The following DTNA variants were observed in gnomAD, a reference collection of about 807,000 sequenced individuals.
The protein encoded by DTNA is dystrophin-related protein 3.
In DTNA, 43 loss-of-function variants were observed where a neutral mutation model predicts 100.7. The observed-to-expected ratio is 0.43, with a 90% CI of 0.33 to 0.55. DTNA has a LOEUF of 0.55. Ranked by LOEUF, DTNA falls within the 20% of genes least tolerant of loss-of-function variation. The pLI, the probability that DTNA is intolerant of heterozygous loss-of-function variation, is 0.04. For synonymous variants in DTNA, 349 were observed against 347.9 expected (o/e 1.00, Z -0.04); for missense variants, 798 against 953.9 (o/e 0.84, Z 2.15).
chr18:34,857,955 A>ACATTACCTTACTTGCTAGTAGTAATG, intron 15 of DTNA, among the ~76,000 whole-genome samples: 2 of 152,190 alleles, frequency 1.3e-5, no homozygotes, highest in Non-Finnish European at 2.9e-5. Flanking sequence ...AAAGTTGGAC[A>ACATTACCTTACTTGCTAGTAGTAATG]CATTACCTTA....
At chr18:34,606,461 A>G (rs1250465341) in intron 1 of DTNA, among the ~76,000 whole-genome samples, 1 of 152,222 alleles carries the variant, frequency 6.6e-6, no homozygotes. Flanking sequence ...TCGTATCAAA[A>G]TGACACTATC....
intron 1 of DTNA, among the ~76,000 whole-genome samples, chr18:34,618,367 A>G (rs2055763948): frequency 6.6e-6 from 1 of 152,186 alleles, no homozygotes; most frequent in Admixed American, 6.5e-5. Flanking sequence ...AGAAGGATTA[A>G]TCATTGTCAG....
chr18:34,550,822 A>T (rs935008821), intron 1 of DTNA, among the ~76,000 whole-genome samples: 6 of 152,186 alleles, frequency 3.9e-5, no homozygotes, highest in African/African-American at 1.4e-4. Flanking sequence ...TGTCTTTAAA[A>T]GATTATCTCT....
At chr18:34,787,319 A>G (rs959184894) in intron 3 of DTNA, among the ~76,000 whole-genome samples, 6 of 152,272 alleles carry the variant, frequency 3.9e-5, no homozygotes, top group Non-Finnish European at 7.4e-5. Flanking sequence ...CCACTCTTTT[A>G]TATTTTGGAC....
At chr18:34,725,385 TAAAC>T (rs1366533237) in intron 1 of DTNA, among the ~76,000 whole-genome samples, 1 of 146,152 alleles carries the variant, frequency 6.8e-6, no homozygotes, top group African/African-American at 2.6e-5. Context: ...ACAAAGAACT[TAAAC>T]AAATTTACAA....
At chr18:34,585,189 G>A (rs2049005380) in intron 1 of DTNA, among the ~76,000 whole-genome samples, 1 of 151,592 alleles carries the variant, frequency 6.6e-6, no homozygotes, top group Non-Finnish European at 1.5e-5. Flanking sequence ...CTACAGAGAG[G>A]CAAAGAGCAG....
chr18:34,720,128 A>C (rs1454884230), intron 1 of DTNA, among the ~76,000 whole-genome samples: 1 of 152,176 alleles, frequency 6.6e-6, no homozygotes, highest in Non-Finnish European at 1.5e-5. Context: ...AGGCATAGTC[A>C]TGAGGGGGTG....
intron 1 of DTNA, among the ~76,000 whole-genome samples, chr18:34,733,056 A>G (rs1432635406): frequency 6.6e-6 from 1 of 152,194 alleles, no homozygotes; most frequent in Non-Finnish European, 1.5e-5. Flanking sequence ...CTCAGAGCCA[A>G]TGTCCAGTAG....
chr18:34,531,940 C>G (rs1269906431), intron 1 of DTNA, among the ~76,000 whole-genome samples: 2 of 152,074 alleles, frequency 1.3e-5, no homozygotes, highest in Admixed American at 1.3e-4. Flanking sequence ...AAGGTTAAAT[C>G]CTTTGAATAG....
chr18:34,618,051 C>T (rs2055683911), intron 1 of DTNA, among the ~76,000 whole-genome samples: 1 of 151,978 alleles, frequency 6.6e-6, no homozygotes. Context: ...GGCTGGGTCA[C>T]CAAATGTTAG....
chr18:34,877,954 G>T, intron 19 of DTNA, 146 bp downstream of exon 19: 1 of 806,440 alleles, frequency 1.2e-6, no homozygotes, highest in South Asian at 1.7e-5. Context: ...ATTCAGATTT[G>T]AGGGGTTTTT....
At chr18:34,573,189 A>T (rs1013936693) in intron 1 of DTNA, among the ~76,000 whole-genome samples, 1 of 152,102 alleles carries the variant, frequency 6.6e-6, no homozygotes, top group Non-Finnish European at 1.5e-5. Flanking sequence ...TTATTCCTTT[A>T]TTCCTCTGTG....
chr18:34,709,068 A>G (rs954131906), upstream of DTNA, among the ~76,000 whole-genome samples: 3 of 152,142 alleles, frequency 2.0e-5, no homozygotes, highest in Non-Finnish European at 1.5e-5. Context: ...AATTCTGTGC[A>G]GATCTCTGAA....
intron 1 of DTNA, among the ~76,000 whole-genome samples, chr18:34,737,501 C>T (rs2089845781): frequency 6.6e-6 from 1 of 152,174 alleles, no homozygotes; most frequent in African/African-American, 2.4e-5. Context: ...GCTGAATCAT[C>T]TGTATAGTGT....
chr18:34,599,873 T>A (rs2051425655), intron 1 of DTNA, among the ~76,000 whole-genome samples: 1 of 152,126 alleles, frequency 6.6e-6, no homozygotes, highest in Admixed American at 6.5e-5. Context: ...GAGACAGGCT[T>A]TCATCATGTT....
chr18:34,513,686 G>A (rs1164905606), intron 1 of DTNA: 1 of 151,998 alleles, frequency 6.6e-6, no homozygotes, highest in Non-Finnish European at 1.5e-5. Flanking sequence ...TACTTGGGAG[G>A]TGCAATTAAG....
chr18:34,779,887 G>C (rs1468892925), intron 3 of DTNA, among the ~76,000 whole-genome samples: 1 of 152,270 alleles, frequency 6.6e-6, no homozygotes, highest in East Asian at 1.9e-4. Context: ...ATAACCTCAA[G>C]TTTACAATCC....
rs567550488 is a variant in DTNA at position 34,670,666 on chromosome 18, T to C, written c.-1-85310T>C. Among the ~76,000 whole-genome samples, 162 of 152,352 alleles carry C rather than the reference T, an allele frequency of 1.1e-3. 2 individuals carry two copies. In the South Asian group the frequency reaches 0.012, roughly 11 times the overall value. ...GTCAGGACCCTCAGCTGCAGGTCTG[T>C]TGGAGTTTGCTGGAGGTCCACTCCA... On this transcript the variant is annotated intron_variant, in intron 1 of 19. Transcript: ENST00000283365.
intron 17 of DTNA, 106 bp from the exon 18 acceptor site, chr18:34,875,133 C>T (rs2096802190): frequency 6.6e-7 from 1 of 1,506,110 alleles, no homozygotes; most frequent in Non-Finnish European, 9.0e-7. Context: ...TTTCCTCCTG[C>T]TTTGAAATTT....
Sources: allele counts gnomAD v4.1 joint callset (sites outside exome capture counted in the v4.1 genomes callset), GRCh38; gene constraint gnomAD v4.1.1; transcripts MANE v1.5; gene names NCBI Gene and HGNC (gene_info 2026-07-23, HGNC 2026-07-21).